EVC: variants seen among roughly 807,000 people sequenced by gnomAD.
EVC encodes evC complex member EVC.
A neutral mutation model predicts 118.9 loss-of-function variants in EVC; 116 were observed. The ratio of observed to expected loss-of-function variants is 0.98; its 90% CI spans 0.84 to 1.14. The LOEUF (loss-of-function observed/expected upper bound fraction) is 1.14, where lower values mean the gene tolerates loss of function less well. EVC is among the 50% of genes most tolerant of loss of function. The probability of loss-of-function intolerance (pLI) is 0.00; values close to 1 mark genes in which losing one functional copy is unlikely to be tolerated. For missense variants in EVC, 1,401 were observed against 1,246.4 expected (o/e 1.12, Z -1.87); for synonymous variants, 619 against 534.7 (o/e 1.16, Z -2.18).
intron 11 of EVC, among the ~76,000 whole-genome samples, chr4:5,779,024 G>T (rs1357059343): frequency 6.6e-6 from 1 of 152,160 alleles, no homozygotes; most frequent in African/African-American, 2.4e-5. Context: ...TGTATAAGGT[G>T]TAAGGAAGGG....
chr4:5,766,599 A>G (rs199796578), intron 11 of EVC, among the ~76,000 whole-genome samples: 35,044 of 109,562 alleles, frequency 0.32, 5,869 homozygotes, highest in East Asian at 0.4. Flanking sequence ...GGCTTTGCTC[A>G]TTTCTTTTTA....
At chr4:5,814,553 C>G (rs368549737), downstream of EVC, among the ~76,000 whole-genome samples, 10 of 152,282 alleles carry the variant, frequency 6.6e-5, no homozygotes, top group East Asian at 1.2e-3. Context: ...GGGCGGCGTT[C>G]CCTGGCTCTT....
intron 18 of EVC, among the ~76,000 whole-genome samples, 193 bp from the exon 19 acceptor site, chr4:5,809,325 G>A (rs1490881600): frequency 6.6e-6 from 1 of 152,198 alleles, no homozygotes; most frequent in East Asian, 1.9e-4. Flanking sequence ...CAGTTATGCA[G>A]CAGGAGCTGG....
chr4:5,784,558 G>A (rs1577567903), intron 12 of EVC, among the ~76,000 whole-genome samples: 1 of 150,774 alleles, frequency 6.6e-6, no homozygotes, highest in Non-Finnish European at 1.5e-5. Context: ...GCTACAGCTT[G>A]TAGCAATGTG....
At chr4:5,752,490 C>T (rs977205039) in intron 8 of EVC, among the ~76,000 whole-genome samples, 2 of 152,096 alleles carry the variant, frequency 1.3e-5, no homozygotes, top group African/African-American at 2.4e-5. Flanking sequence ...CCAGATTGGC[C>T]GGGGGAGATG....
chr4:5,717,144 A>G (rs1368864833), intron 1 of EVC, among the ~76,000 whole-genome samples: 1 of 151,822 alleles, frequency 6.6e-6, no homozygotes, highest in Non-Finnish European at 1.5e-5. Context: ...TTTCTCTCTC[A>G]CTTCGATTCT....
At chr4:5,723,259 G>A (rs1472818851) in intron 2 of EVC, among the ~76,000 whole-genome samples, 1 of 149,666 alleles carries the variant, frequency 6.7e-6, no homozygotes, top group African/African-American at 2.5e-5. Flanking sequence ...GTGCGATCTC[G>A]GCTCCCTGCA....
intron 1 of EVC, among the ~76,000 whole-genome samples, chr4:5,712,080 A>G (rs1321087948): frequency 6.6e-6 from 1 of 152,206 alleles, no homozygotes; most frequent in Non-Finnish European, 1.5e-5. Flanking sequence ...CATGAGCGGG[A>G]GAGACCCTGC....
intron 19 of EVC, 87 bp downstream of exon 19, chr4:5,809,698 G>A: frequency 8.2e-7 from 1 of 1,223,582 alleles, no homozygotes; most frequent in Non-Finnish European, 1.2e-6. Context: ...CTAACTAGCT[G>A]TGTGACCTTA....
chr4:5,757,907 G>A (rs1163592676), intron 11 of EVC, among the ~76,000 whole-genome samples: 1 of 152,150 alleles, frequency 6.6e-6, no homozygotes, highest in Non-Finnish European at 1.5e-5. Flanking sequence ...TTTGGAGGGA[G>A]ACACAATTTA....
chr4:5,768,120 C>T (rs1432849381), intron 11 of EVC, among the ~76,000 whole-genome samples: 1 of 152,022 alleles, frequency 6.6e-6, no homozygotes, highest in Non-Finnish European at 1.5e-5. Context: ...AGTGGGGAAG[C>T]TGGGGAGGAA....
chr4:5,741,695 T>A (rs111419400), intron 5 of EVC, 21 bp from the exon 6 acceptor site: 1 of 1,434,804 alleles, frequency 7.0e-7, no homozygotes, highest in Non-Finnish European at 9.8e-7. Flanking sequence ...TCTTTTGTTA[T>A]CTTTCCTTTC....
Position 5,711,221 on chromosome 4 carries a change from A to C in EVC, c.-160A>C. The stretch of plus-strand genomic sequence containing the variant: ...TCCCTCCGGCTCGGCGAAGCAGGGA[A>C]GGGGAGAGAAGCAGGAGTCGGGAGA... On this transcript the variant is annotated 5_prime_UTR_variant, in exon 1 of 21. Coordinates refer to ENST00000264956, the MANE Select transcript of EVC (RefSeq NM_153717.3). 3 of 314,882 alleles carry C rather than the reference A, an allele frequency of 9.5e-6. No homozygotes were observed. The highest frequency in any genetic ancestry group is 1.4e-5 in the Non-Finnish European group (3 of 216,390). 19.5% of individuals were successfully genotyped at this position (314,882 alleles called of 1,614,324 possible).
At position 5,802,089 on chromosome 4, in the gene EVC, T is replaced by A; in HGVS notation, c.2444T>A (p.Leu815Gln). The A allele has an allele frequency of 6.2e-7, 1 of 1,604,526 alleles. No individual in the cohort carries two copies. The highest frequency in any genetic ancestry group is 8.5e-7 in the Non-Finnish European group (1 of 1,175,790). ...AGAAAACTGCAGCACCTGAAGACCC[T>A]GCAGGGTACGGGACCCCCCCTCAGG... ...EERKLQHLKT[L>Q]QGERMENYKL... Residue 815 changes from leucine to glutamine, a missense_variant, in exon 16 of 21, where the codon CTG (leucine) becomes CAG (glutamine). Coordinates refer to ENST00000264956, the MANE Select transcript of EVC (RefSeq NM_153717.3).
At chr4:5,823,572 C>G in the EVC span, among the ~76,000 whole-genome samples, 4 of 152,210 alleles carry the variant, frequency 2.6e-5, no homozygotes, top group Admixed American at 2.6e-4. Context: ...TCATGAATGG[C>G]TTGGTGTCAG....
In EVC at chr4:5,729,337, A is replaced by G; in HGVS notation, c.331A>G (p.Thr111Ala). The change falls in exon 3 of 21, where the codon ACA becomes GCA. Residue 111 changes from threonine to alanine, a missense_variant. Coordinates refer to ENST00000264956, the MANE Select transcript of EVC (RefSeq NM_153717.3). ...TGAGCCGCCTTCCAACAGCAATATC[A>G]CAGCATTCGCCCTGAAGGCCAAAGT... ...ECEPPSNSNI[T>A]AFALKAKVIY... 1.2e-6 allele frequency: 2 copies of G among 1,614,054 alleles called. No homozygotes were observed. Among genetic ancestry groups the G allele is most frequent in the East Asian group, 2.2e-5 (1 of 44,874 alleles).
intron 12 of EVC, among the ~76,000 whole-genome samples, chr4:5,784,713 T>G (rs1165383661): frequency 6.6e-6 from 1 of 150,584 alleles, no homozygotes; most frequent in Non-Finnish European, 1.5e-5. Context: ...GTTCAAGCGA[T>G]TCTCCTGCCT....
Position 5,715,740 on chromosome 4 carries a change from C to CCTTTTTTTTTTTTTTTTTTTTTTT in EVC, c.175-3508_175-3507insCTTTTTTTTTTTTTTTTTTTTTTT, listed in dbSNP as rs1553860016. 2.7e-4 allele frequency among the ~76,000 whole-genome samples: 19 copies of CCTTTTTTTTTTTTTTTTTTTTTTT among 70,992 alleles called. 8 individuals are homozygous for CCTTTTTTTTTTTTTTTTTTTTTTT. The highest frequency in any genetic ancestry group is 3.1e-4 in the Admixed American group (2 of 6,464). 46.6% of individuals were successfully genotyped at this position (70,992 alleles called of 152,430 possible). On this transcript the variant is annotated intron_variant, in intron 1 of 20. Transcript: ENST00000264956. ...AATTTCGAAGGCATTTTTCCATTGTCTTTTTTTTTTTTTTTTTTTTTGAGA... is the reference window on the plus strand; with the variant it reads ...AATTTCGAAGGCATTTTTCCATTGTCCTTTTTTTTTTTTTTTTTTTTTTTTTTTTTTTTTTTTTTTTTTTTGAGA...
intron 11 of EVC, among the ~76,000 whole-genome samples, chr4:5,778,121 GAAT>G (rs1023768206): frequency 1.3e-5 from 2 of 151,356 alleles, no homozygotes; most frequent in Non-Finnish European, 2.9e-5. Flanking sequence ...AGTTTACTGA[GAAT>G]GATGATTTCC....
Sources: allele counts gnomAD v4.1 joint callset (sites outside exome capture counted in the v4.1 genomes callset), GRCh38; gene constraint gnomAD v4.1.1; transcripts MANE v1.5; gene names NCBI Gene and HGNC (gene_info 2026-07-23, HGNC 2026-07-21).